The following NEBL variants were observed in gnomAD, a reference collection of about 807,000 sequenced individuals.
NEBL encodes the protein LIM and SH3 protein 2.
A neutral mutation model predicts 140.2 loss-of-function variants in NEBL; 122 were observed. The observed-to-expected ratio is 0.87, with a 90% CI of 0.75 to 1.01. The LOEUF is 1.01. Among genes scored for constraint, NEBL ranks in the 50% least tolerant of loss-of-function variants. The probability of loss-of-function intolerance (pLI) is 0.00; values close to 1 mark genes in which losing one functional copy is unlikely to be tolerated. For missense variants in NEBL, 1,365 were observed against 1,231.3 expected (o/e 1.11, Z -1.62); for synonymous variants, 436 against 398.9 (o/e 1.09, Z -1.11).
chr10:20,887,111 G>C (rs565101481), intron 4 of NEBL, among the ~76,000 whole-genome samples: 114 of 152,286 alleles, frequency 7.5e-4, no homozygotes, highest in African/African-American at 2.5e-3. Context: ...CCAGAAAGAG[G>C]TGAAACATTC....
At chr10:21,059,083 G>C (rs1163324170) in intron 2 of NEBL, among the ~76,000 whole-genome samples, 2 of 152,122 alleles carry the variant, frequency 1.3e-5, no homozygotes, top group African/African-American at 4.8e-5. Flanking sequence ...TATTAGACAG[G>C]CTTTACTATC....
intron 4 of NEBL, among the ~76,000 whole-genome samples, chr10:20,909,342 T>C (rs1848233453): frequency 6.6e-6 from 1 of 151,898 alleles, no homozygotes; most frequent in South Asian, 2.1e-4. Context: ...ACTCTCTATG[T>C]CCATGAGCTC....
At chr10:21,265,677 C>A (rs1486696576) in intron 1 of NEBL, among the ~76,000 whole-genome samples, 4 of 152,158 alleles carry the variant, frequency 2.6e-5, no homozygotes, top group Non-Finnish European at 5.9e-5. Context: ...CCACCTGGAA[C>A]CTGGGAAACT....
chr10:21,111,131 A>C (rs576783045), intron 2 of NEBL, among the ~76,000 whole-genome samples: 4 of 152,334 alleles, frequency 2.6e-5, no homozygotes, highest in African/African-American at 9.6e-5. Context: ...ATGCTCATGG[A>C]TAAGAAGAAT....
At chr10:21,277,622 A>AT (rs1053249991) in intron 1 of NEBL, among the ~76,000 whole-genome samples, 4 of 152,162 alleles carry the variant, frequency 2.6e-5, no homozygotes, top group African/African-American at 9.6e-5. Context: ...ACAGTTAGTC[A>AT]TTGGTGCTAC....
intron 2 of NEBL, among the ~76,000 whole-genome samples, chr10:21,165,349 A>T (rs768271489): frequency 1.3e-5 from 2 of 152,216 alleles, no homozygotes; most frequent in Non-Finnish European, 2.9e-5. Flanking sequence ...CTATCCCAAC[A>T]GCAGGATACT....
At chr10:20,824,967 C>T (rs1014725176) in intron 18 of NEBL, among the ~76,000 whole-genome samples, 2 of 152,148 alleles carry the variant, frequency 1.3e-5, no homozygotes, top group Non-Finnish European at 2.9e-5. Context: ...ATCTACCAGG[C>T]TAACACAGGC....
At chr10:20,899,298 G>A (rs942853264), upstream of NEBL, 4 of 889,982 alleles carry the variant, frequency 4.5e-6, no homozygotes, top group Admixed American at 3.0e-5. Flanking sequence ...AAAACTGCCT[G>A]AGACACACCT....
chr10:21,023,696 A>AAAATAAATAAATAAAT (rs374573842), intron 2 of NEBL, among the ~76,000 whole-genome samples: 1 of 151,630 alleles, frequency 6.6e-6, no homozygotes, highest in African/African-American at 2.4e-5. Context: ...CTCCATCTCA[A>AAAATAAATAAATAAAT]AAATAAATAA....
intron 2 of NEBL, among the ~76,000 whole-genome samples, chr10:21,096,620 C>T (rs1305623628): frequency 6.6e-6 from 1 of 151,852 alleles, no homozygotes; most frequent in East Asian, 1.9e-4. Flanking sequence ...CTCATGCAAC[C>T]CTCCTGCCTC....
At chr10:21,014,933 A>T (rs1257544668) in intron 3 of NEBL, among the ~76,000 whole-genome samples, 1 of 152,242 alleles carries the variant, frequency 6.6e-6, no homozygotes, top group Non-Finnish European at 1.5e-5. Context: ...ATTAAAAAAG[A>T]ATCAACATAG....
At chr10:21,165,555 AG>A (rs1443580182) in intron 2 of NEBL, among the ~76,000 whole-genome samples, 1 of 152,220 alleles carries the variant, frequency 6.6e-6, no homozygotes, top group Non-Finnish European at 1.5e-5. Context: ...GCAGTCCCTG[AG>A]GTGACTAATA....
chr10:21,243,809 G>GT (rs1842475288), intron 3 of NEBL, among the ~76,000 whole-genome samples: 1 of 152,020 alleles, frequency 6.6e-6, no homozygotes, highest in African/African-American at 2.4e-5. Flanking sequence ...TCCCCTAGGC[G>GT]TACAGATAGC....
At chr10:20,986,374 C>A (rs1341847793) in intron 3 of NEBL, among the ~76,000 whole-genome samples, 1 of 152,126 alleles carries the variant, frequency 6.6e-6, no homozygotes, top group Non-Finnish European at 1.5e-5. Context: ...AATAATTAAG[C>A]CAAAAATAAT....
At chr10:20,959,215 A>G (rs890535468) in intron 4 of NEBL, among the ~76,000 whole-genome samples, 21 of 152,150 alleles carry the variant, frequency 1.4e-4, no homozygotes, top group African/African-American at 4.3e-4. Flanking sequence ...TAACCTACCT[A>G]TATTAACCTA....
intron 26 of NEBL, among the ~76,000 whole-genome samples, chr10:20,803,773 A>G (rs1837345263): frequency 6.7e-6 from 1 of 149,924 alleles, no homozygotes; most frequent in Non-Finnish European, 1.5e-5. Flanking sequence ...TTTCAAAGCC[A>G]CTGAGAAATC....
chr10:21,261,373 G>A (rs1195447017), intron 1 of NEBL, among the ~76,000 whole-genome samples: 2 of 152,210 alleles, frequency 1.3e-5, no homozygotes, highest in Admixed American at 1.3e-4. Flanking sequence ...TCAAAATAAA[G>A]AGACAGGCTG....
At chr10:20,880,169 T>C (rs2131311578) in intron 5 of NEBL, among the ~76,000 whole-genome samples, 1 of 152,250 alleles carries the variant, frequency 6.6e-6, no homozygotes, top group South Asian at 2.1e-4. Flanking sequence ...AAGACCAGCC[T>C]GGCCTAGATG....
At chr10:21,232,107 T>A (rs1044250269) in intron 3 of NEBL, among the ~76,000 whole-genome samples, 2 of 152,026 alleles carry the variant, frequency 1.3e-5, no homozygotes, top group African/African-American at 4.8e-5. Context: ...TAAACTATGT[T>A]CCAACTGCCA....
Sources: allele counts gnomAD v4.1 joint callset (sites outside exome capture counted in the v4.1 genomes callset), GRCh38; gene constraint gnomAD v4.1.1; transcripts MANE v1.5; gene names NCBI Gene and HGNC (gene_info 2026-07-23, HGNC 2026-07-21).